Variants in ZNF676 observed in about 807,000 individuals in gnomAD.
ZNF676 encodes the protein zinc finger protein 676.
ZNF676 carries 4 observed loss-of-function variants against 6.0 expected under a neutral mutation model. The ratio of observed to expected loss-of-function variants is 0.67; its 90% confidence interval spans 0.33 to 1.53. ZNF676 has a LOEUF of 1.53. Among genes scored for constraint, ZNF676 ranks in the 40% most tolerant of loss-of-function variants. ZNF676 has a pLI of 0.06. For synonymous variants in ZNF676, 198 were observed against 223.1 expected (o/e 0.89, Z 1.00); for missense variants, 644 against 679.7 (o/e 0.95, Z 0.58).
rs766322135 is a variant in ZNF676 at position 22,180,883 on chromosome 19, C to T, written c.834G>A (p.Glu278=). 2.8e-6 allele frequency: 4 copies of T among 1,403,574 alleles called. No homozygotes were observed. In the East Asian group the frequency reaches 9.8e-5, roughly 34 times the overall value. 86.9% of individuals were successfully genotyped at this position (1,403,574 alleles called of 1,614,324 possible). A position where few individuals can be genotyped will look rare whatever the true frequency, so the allele number is the denominator to read the frequency against. The change falls in exon 3 of 3, where the codon GAG becomes GAA. Residue 278 remains glutamate, a synonymous_variant. Coordinates refer to ENST00000397121, the MANE Select transcript of ZNF676 (RefSeq NM_001001411.3). ...CACATTCTTCACATTTGTAGGGCTT[C>T]TCTTCAGCATGAATTGCCTTATGTG... ...LNTHKAIHAE[E]KPYKCEECGK...
At chr19:22,231,609 ATTTAT>A in the ZNF676 span, among the ~76,000 whole-genome samples, 2 of 71,344 alleles carry the variant, frequency 2.8e-5, no homozygotes, top group African/African-American at 1.6e-4. Context: ...ATCTTTATTT[ATTTAT>A]TTATTTTGAG....
intron 2 of ZNF676, among the ~76,000 whole-genome samples, chr19:22,191,217 C>T (rs1192561066): frequency 1.3e-5 from 2 of 152,076 alleles, no homozygotes; most frequent in Non-Finnish European, 1.5e-5. Flanking sequence ...TTGCTAAAGC[C>T]CAAGATTGAG....
the ZNF676 span, among the ~76,000 whole-genome samples, chr19:22,248,374 T>C: frequency 6.6e-6 from 1 of 152,334 alleles, no homozygotes; most frequent in Non-Finnish European, 1.5e-5. Flanking sequence ...AGTGTAAAAG[T>C]GTTCCTATTT....
At chr19:22,243,275 T>C in the ZNF676 span, 1 of 151,854 alleles carries the variant, frequency 6.6e-6, no homozygotes, top group Admixed American at 6.6e-5. Context: ...AATGCTTTAT[T>C]TTGGAAGAGC....
At chr19:22,197,310 C>A (rs1159053943), upstream of ZNF676, among the ~76,000 whole-genome samples, 3 of 141,376 alleles carry the variant, frequency 2.1e-5, no homozygotes, top group Admixed American at 7.2e-5. Context: ...AAGAGTGAAA[C>A]TCCATCTCAA....
chr19:22,223,292 G>C, the ZNF676 span, among the ~76,000 whole-genome samples: 1 of 152,148 alleles, frequency 6.6e-6, no homozygotes, highest in Non-Finnish European at 1.5e-5. Flanking sequence ...CTCCGTCCCT[G>C]GATCTCAAAG....
the ZNF676 span, among the ~76,000 whole-genome samples, chr19:22,243,023 T>C: frequency 6.6e-6 from 1 of 151,828 alleles, no homozygotes; most frequent in South Asian, 2.1e-4. Flanking sequence ...TCAGCATGTC[T>C]GTGGTAAGCC....
chr19:22,192,001 T>G (rs904246417), intron 2 of ZNF676, among the ~76,000 whole-genome samples: 32 of 152,314 alleles, frequency 2.1e-4, no homozygotes, highest in African/African-American at 7.7e-4. Context: ...TCAAAAAAAT[T>G]TTTAAGTCAC....
chr19:22,208,259 A>C, intron 1 of ZNF676, among the ~76,000 whole-genome samples: 1 of 149,184 alleles, frequency 6.7e-6, no homozygotes, highest in Admixed American at 6.7e-5. Context: ...AGAAAAAAAA[A>C]AACTAACTTA....
chr19:22,217,302 A>G (rs866115657), upstream of ZNF676, among the ~76,000 whole-genome samples: 1 of 152,192 alleles, frequency 6.6e-6, no homozygotes, highest in Non-Finnish European at 1.5e-5. Flanking sequence ...TCCCAGGTTC[A>G]AGCGATGCTC....
the ZNF676 span, among the ~76,000 whole-genome samples, chr19:22,229,334 CA>C: frequency 6.6e-6 from 1 of 152,108 alleles, no homozygotes; most frequent in Non-Finnish European, 1.5e-5. Context: ...TTCCTTACAC[CA>C]TATACAAAAA....
At chr19:22,190,660 T>TGTTGC (rs2023895199) in intron 2 of ZNF676, among the ~76,000 whole-genome samples, 1 of 123,290 alleles carries the variant, frequency 8.1e-6, no homozygotes, top group African/African-American at 4.9e-5. Context: ...TATATATATA[T>TGTTGC]ATATACATAC....
the ZNF676 span, among the ~76,000 whole-genome samples, chr19:22,252,418 G>C: frequency 6.9e-6 from 1 of 144,488 alleles, no homozygotes; most frequent in African/African-American, 2.5e-5. Context: ...AAAGAAAGTA[G>C]GAAAGAAAGA....
At chr19:22,229,335 A>T in the ZNF676 span, among the ~76,000 whole-genome samples, 606 of 152,258 alleles carry the variant, frequency 4.0e-3, 1 homozygote, top group Non-Finnish European at 6.5e-3. Flanking sequence ...TCCTTACACC[A>T]TATACAAAAA....
the ZNF676 span, among the ~76,000 whole-genome samples, chr19:22,249,647 G>A: frequency 6.6e-6 from 1 of 151,778 alleles, no homozygotes; most frequent in Non-Finnish European, 1.5e-5. Flanking sequence ...CCTGACCTCA[G>A]GTGATCCATC....
intron 2 of ZNF676, among the ~76,000 whole-genome samples, chr19:22,185,489 C>CA (rs35260893): frequency 0.25 from 34,779 of 141,544 alleles, 4,708 homozygotes; most frequent in South Asian, 0.42. Context: ...TCATCACCAG[C>CA]AAAAAAAAAA....
At chr19:22,206,547 C>T (rs896358377) in intron 1 of ZNF676, among the ~76,000 whole-genome samples, 5 of 152,088 alleles carry the variant, frequency 3.3e-5, no homozygotes, top group East Asian at 1.9e-4. Context: ...TGGTAGCACA[C>T]ACCTGTAATC....
intron 1 of ZNF676, among the ~76,000 whole-genome samples, chr19:22,207,104 C>A (rs2024084260): frequency 6.6e-6 from 1 of 152,074 alleles, no homozygotes; most frequent in Non-Finnish European, 1.5e-5. Flanking sequence ...AGCAATCAGG[C>A]AAAAGATAAA....
At chr19:22,227,746 A>C in the ZNF676 span, among the ~76,000 whole-genome samples, 2 of 152,228 alleles carry the variant, frequency 1.3e-5, no homozygotes, top group South Asian at 4.1e-4. Flanking sequence ...AATGTAAAAA[A>C]CTAGATAATC....
Sources: allele counts gnomAD v4.1 joint callset (sites outside exome capture counted in the v4.1 genomes callset), GRCh38; gene constraint gnomAD v4.1.1; transcripts MANE v1.5; gene names NCBI Gene and HGNC (gene_info 2026-07-23, HGNC 2026-07-21).